Variants in MAST4 observed in about 807,000 individuals in gnomAD.
MAST4 encodes the protein microtubule associated serine/threonine kinase family member 4.
A neutral mutation model predicts 162.7 loss-of-function variants in MAST4; 89 were observed. That is an observed-to-expected ratio of 0.55 (90% CI 0.46 to 0.65). MAST4 has a LOEUF of 0.65. Ranked by LOEUF, MAST4 falls within the 30% of genes least tolerant of loss-of-function variation. The probability of loss-of-function intolerance (pLI) is 0.00; values close to 1 mark genes in which losing one functional copy is unlikely to be tolerated. For missense variants in MAST4, 3,153 were observed against 3,374.0 expected (o/e 0.93, Z 1.62); for synonymous variants, 1,479 against 1,361.1 (o/e 1.09, Z -1.91).
chr5:66,873,291 A>G (rs1034822299), intron 3 of MAST4, among the ~76,000 whole-genome samples: 1 of 152,228 alleles, frequency 6.6e-6, no homozygotes, highest in Non-Finnish European at 1.5e-5. Context: ...GTGTGGATAC[A>G]TTACTTGGAC....
Position 67,165,010 on chromosome 5 carries a change from A to T in MAST4, c.5831A>T (p.Asn1944Ile), listed in dbSNP as rs368962186. The change falls in exon 29 of 29, where the codon AAC becomes ATC. Residue 1944 changes from asparagine to isoleucine, a missense_variant. By Grantham distance (149) the Asn-to-Ile change is moderately radical (BLOSUM62 -3). Transcript: ENST00000403625. ...AAGCTTCTGACCTGCCTGGGGCAGA[A>T]CCTCCACAGCCCTGACCTGGCCAGG... ...DPKLLTCLGQNLHSPDLARPR... is the reference protein window; with the variant it reads ...DPKLLTCLGQILHSPDLARPR... The T allele has an allele frequency of 1.2e-6, 2 of 1,613,334 alleles. No individual in the cohort carries two copies. The highest frequency in any genetic ancestry group is 1.7e-5 in the Admixed American group (1 of 59,934).
At chr5:67,119,625 A>G (rs1767339341) in intron 13 of MAST4, among the ~76,000 whole-genome samples, 1 of 152,244 alleles carries the variant, frequency 6.6e-6, no homozygotes, top group Non-Finnish European at 1.5e-5. Flanking sequence ...TCACATAGTA[A>G]GTGCTAAATA....
At chr5:66,651,149 A>G (rs1033560604) in intron 1 of MAST4, among the ~76,000 whole-genome samples, 3 of 152,134 alleles carry the variant, frequency 2.0e-5, no homozygotes, top group Non-Finnish European at 2.9e-5. Flanking sequence ...ACCCATGGCT[A>G]TAAGTTCTGT....
At chr5:66,975,739 A>T (rs764559638) in intron 4 of MAST4, among the ~76,000 whole-genome samples, 11 of 152,170 alleles carry the variant, frequency 7.2e-5, no homozygotes, top group Non-Finnish European at 1.2e-4. Flanking sequence ...CATGCCTGTA[A>T]TCCCAGCACT....
chr5:67,132,092 G>A (rs1269639372), intron 16 of MAST4, 141 bp downstream of exon 16: 5 of 941,358 alleles, frequency 5.3e-6, no homozygotes, highest in Non-Finnish European at 7.6e-6. Context: ...CAGTATATAT[G>A]GTAATTTGTA....
chr5:66,850,854 A>G (rs1759254576), intron 3 of MAST4, among the ~76,000 whole-genome samples: 1 of 152,066 alleles, frequency 6.6e-6, no homozygotes, highest in Admixed American at 6.5e-5. Flanking sequence ...AGTGTTCATT[A>G]ATATCCTTCA....
chr5:67,062,114 A>AGGCTG (rs976083081), intron 5 of MAST4, among the ~76,000 whole-genome samples: 1 of 152,196 alleles, frequency 6.6e-6, no homozygotes, highest in African/African-American at 2.4e-5. Flanking sequence ...TTATAAGATG[A>AGGCTG]GGCTGGGCTG....
At position 66,975,294 on chromosome 5, in the gene MAST4, G is replaced by C. The variant is rs144318391; in HGVS notation, c.674+75312G>C. Among the ~76,000 whole-genome samples, 427 of 152,338 alleles carry C rather than the reference G, an allele frequency of 2.8e-3. 3 individuals carry two copies. The highest frequency in any genetic ancestry group is 9.9e-3 in the African/African-American group (413 of 41,574). ...TAAGCCAACAAGTTTGCTGTCATTT[G>C]TTACAGCTGCTGCAGGAAGCAAATG... On this transcript the variant is annotated intron_variant, in intron 4 of 28. Transcript: ENST00000403625.
intron 4 of MAST4, among the ~76,000 whole-genome samples, chr5:66,994,474 T>C (rs1373100042): frequency 6.7e-6 from 1 of 149,696 alleles, no homozygotes; most frequent in African/African-American, 2.4e-5. Context: ...TTGTTTCACA[T>C]TCATTCATTT....
intron 4 of MAST4, among the ~76,000 whole-genome samples, chr5:66,994,695 C>T (rs1750434913): frequency 6.6e-6 from 1 of 152,132 alleles, no homozygotes; most frequent in Admixed American, 6.5e-5. Flanking sequence ...CTCAGTCTAA[C>T]TATATACAGA....
chr5:66,688,710 G>A (rs2149493133), intron 1 of MAST4, among the ~76,000 whole-genome samples: 1 of 152,152 alleles, frequency 6.6e-6, no homozygotes, highest in East Asian at 1.9e-4. Flanking sequence ...TTTACTTAGG[G>A]AAAAATGATT....
chr5:66,827,319 C>T (rs1757313828), intron 3 of MAST4, among the ~76,000 whole-genome samples: 1 of 152,154 alleles, frequency 6.6e-6, no homozygotes, highest in African/African-American at 2.4e-5. Flanking sequence ...GGTTTTCTTC[C>T]TTAAGTGGTA....
rs1408700079 is a variant in MAST4 at position 66,899,986 on chromosome 5, A to C, written c.674+4A>C. On this transcript the variant is annotated splice_donor_region_variant and intron_variant, in intron 4 of 28. Coordinates refer to ENST00000403625, the MANE Select transcript of MAST4 (RefSeq NM_001164664.2). ...GTCTCCCCAGAAGAGGAAGTTTGTAAGTAGTAGTATTTTGTTTCCTTGTTT... is the reference window on the plus strand; with the variant it reads ...GTCTCCCCAGAAGAGGAAGTTTGTACGTAGTAGTATTTTGTTTCCTTGTTT... 17 of 1,511,418 alleles carry C rather than the reference A, an allele frequency of 1.1e-5. No individual in the cohort carries two copies. Among genetic ancestry groups the C allele is most frequent in the Non-Finnish European group, 1.4e-5 (16 of 1,131,372 alleles). 93.6% of individuals were successfully genotyped at this position (1,511,418 alleles called of 1,614,324 possible).
chr5:66,990,143 C>T (rs1262696100), intron 4 of MAST4, among the ~76,000 whole-genome samples: 2 of 152,008 alleles, frequency 1.3e-5, no homozygotes, highest in Non-Finnish European at 2.9e-5. Context: ...TTTTAAAGAC[C>T]TCTTTAAAAA....
At chr5:67,024,327 A>G (rs1402690201) in intron 4 of MAST4, among the ~76,000 whole-genome samples, 1 of 136,316 alleles carries the variant, frequency 7.3e-6, no homozygotes, top group Non-Finnish European at 1.5e-5. Flanking sequence ...ATATATATCT[A>G]TATATATATA....
At position 66,679,331 on chromosome 5, in the gene MAST4, A is replaced by G. The variant is rs559923983; in HGVS notation, c.364-80378A>G. On this transcript the variant is annotated intron_variant, in intron 1 of 28. Coordinates refer to ENST00000403625, the MANE Select transcript of MAST4 (RefSeq NM_001164664.2). ...TAGAATTGGCCAGATTTAGTGGTCA[A>G]TTGCATGTGGTTAAGTGGGGACAAC... Among the ~76,000 whole-genome samples, 3 of 152,268 alleles carry G rather than the reference A, an allele frequency of 2.0e-5. No homozygotes were observed. The South Asian group carries it at 6.2e-4, about 32-fold the overall frequency.
In MAST4 at chr5:67,165,598, C is replaced by T; in HGVS notation, c.6419C>T (p.Ala2140Val). ...PSSIPPPPLT[A>V]KDLSSPAARQ... is the part of the protein sequence containing the mutation. ...AGCATCCCTCCGCCCCCTCTGACGG[C>T]CAAAGACCTGTCCAGCCCGGCTGCC... Residue 2140 changes from alanine (A) to valine (V), a missense_variant, in exon 29 of 29, where the codon GCC becomes GTC. Ala to Val is a moderately conservative substitution (Grantham distance 64). Transcript: ENST00000403625. 6.2e-7 allele frequency: 1 copy of T among 1,613,778 alleles called. No individual in the cohort carries two copies. The highest frequency in any genetic ancestry group is 1.1e-5 in the South Asian group (1 of 91,020).
chr5:66,908,253 G>A (rs533302669), intron 4 of MAST4, among the ~76,000 whole-genome samples: 21 of 152,264 alleles, frequency 1.4e-4, no homozygotes, highest in Non-Finnish European at 2.6e-4. Context: ...GAAGTGGGTA[G>A]GGAAGAGATT....
In MAST4 at chr5:66,924,670, G is replaced by A. The variant is rs991810955; in HGVS notation, c.674+24688G>A. 2.0e-5 allele frequency among the ~76,000 whole-genome samples: 3 copies of A among 152,158 alleles called. 1 individual carries two copies. Among genetic ancestry groups the A allele is most frequent in the South Asian group, 4.1e-4 (2 of 4,826 alleles). Reference sequence around the variant, plus strand: ...TGCCCCCCAAAGTGGTGGGATTACAGGTGTGAGCCACCGCACTGGGCCTGT... The same window carrying A: ...TGCCCCCCAAAGTGGTGGGATTACAAGTGTGAGCCACCGCACTGGGCCTGT... On this transcript the variant is annotated intron_variant, in intron 4 of 28. Coordinates refer to ENST00000403625, the MANE Select transcript of MAST4 (RefSeq NM_001164664.2).
Sources: allele counts gnomAD v4.1 joint callset (sites outside exome capture counted in the v4.1 genomes callset), GRCh38; gene constraint gnomAD v4.1.1; transcripts MANE v1.5; gene names NCBI Gene and HGNC (gene_info 2026-07-23, HGNC 2026-07-21).